ZFYVE28: variants seen among roughly 807,000 people sequenced by gnomAD.
ZFYVE28 encodes lateral signaling target protein 2 homolog.
A neutral mutation model predicts 82.1 loss-of-function variants in ZFYVE28; 40 were observed. The observed-to-expected ratio is 0.49, with a 90% CI of 0.38 to 0.63. The LOEUF (loss-of-function observed/expected upper bound fraction) is 0.63, where lower values mean the gene tolerates loss of function less well. ZFYVE28 is among the 30% of genes least tolerant of loss of function. ZFYVE28 has a pLI of 0.00. For synonymous variants in ZFYVE28, 612 were observed against 546.1 expected (o/e 1.12, Z -1.68); for missense variants, 1,321 against 1,242.1 (o/e 1.06, Z -0.96).
At chr4:2,348,647 C>T (rs1359718375) in intron 2 of ZFYVE28, among the ~76,000 whole-genome samples, 2 of 152,170 alleles carry the variant, frequency 1.3e-5, no homozygotes, top group Non-Finnish European at 2.9e-5. Context: ...TCAATGTATG[C>T]TTATGCTCTT....
At position 2,304,808 on chromosome 4, in the gene ZFYVE28, A is replaced by C; in HGVS notation, c.1532T>G (p.Met511Arg). 2 of 1,612,316 alleles carry C rather than the reference A, an allele frequency of 1.2e-6. No individual in the cohort carries two copies. Among genetic ancestry groups the C allele is most frequent in the Non-Finnish European group, 1.7e-6 (2 of 1,179,888 alleles). Residue 511 changes from methionine to arginine, a missense_variant, in exon 8 of 13, where the codon ATG (methionine) becomes AGG (arginine). This residue lies in a region of ZFYVE28 where 978 missense variants were observed against 833.7 expected (regional missense o/e 1.17). Transcript: ENST00000290974. ...AEMIAHRTGG[M>R]KLSATVIFNP... ...GAAGATGACCGTGGCTGAGAGCTTC[A>C]TGCCCCCTGTCCGGTGGGCGATCAT... is the stretch of plus-strand genomic sequence containing the variant.
At chr4:2,414,730 T>C (rs1408922388) in intron 1 of ZFYVE28, among the ~76,000 whole-genome samples, 1 of 152,196 alleles carries the variant, frequency 6.6e-6, no homozygotes, top group Non-Finnish European at 1.5e-5. Context: ...TCCAGGTAAG[T>C]GTCCAGGTCC....
chr4:2,392,870 C>T (rs138773962), intron 1 of ZFYVE28, among the ~76,000 whole-genome samples: 11 of 152,274 alleles, frequency 7.2e-5, no homozygotes, highest in East Asian at 1.9e-4. Flanking sequence ...TAATGAGAAT[C>T]GCACTTCACA....
intron 8 of ZFYVE28, among the ~76,000 whole-genome samples, chr4:2,284,769 CCCTT>C (rs1490748825): frequency 2.0e-5 from 3 of 152,194 alleles, no homozygotes; most frequent in African/African-American, 7.2e-5. Context: ...GGCTGAGACA[CCCTT>C]CCAGGAATCG....
chr4:2,354,162 G>T, intron 1 of ZFYVE28, 89 bp from the exon 2 acceptor site: 1 of 1,339,958 alleles, frequency 7.5e-7, no homozygotes, highest in Non-Finnish European at 9.8e-7. Flanking sequence ...CCATGTGTGG[G>T]CTCAGCCTGG....
rs1168567109 is a variant in ZFYVE28 at position 2,269,908 on chromosome 4, A to G, written c.*817T>C. On this transcript the variant is annotated 3_prime_UTR_variant, in exon 13 of 13. Transcript: ENST00000290974. ...CCCAGGCCACTCTGGGGTCTGAGGA[A>G]TTGGGCCAGGGTTCCAGAGGGTGCA... 6.6e-6 allele frequency: 1 copy of G among 152,142 alleles called. No individual in the cohort carries two copies. Among genetic ancestry groups the G allele is most frequent in the African/African-American group, 2.4e-5 (1 of 41,424 alleles). The allele number at this position is 152,142 out of a possible 1,614,324, so 9.4% of individuals were successfully genotyped here. A position where few individuals can be genotyped will look rare whatever the true frequency, so the allele number is the denominator to read the frequency against.
chr4:2,299,656 G>A (rs868645790), intron 8 of ZFYVE28, among the ~76,000 whole-genome samples: 1 of 248 alleles, frequency 4.0e-3, no homozygotes, highest in Non-Finnish European at 7.7e-3. Context: ...GAGGGAGGGA[G>A]GAAGGAAAGA....
chr4:2,390,266 T>G (rs141676357), intron 1 of ZFYVE28, among the ~76,000 whole-genome samples: 23 of 152,274 alleles, frequency 1.5e-4, no homozygotes, highest in African/African-American at 5.3e-4. Flanking sequence ...CCTCAGAGGT[T>G]CCAAGAGGAA....
At chr4:2,378,792 A>G (rs1208597193) in intron 1 of ZFYVE28, among the ~76,000 whole-genome samples, 1 of 152,208 alleles carries the variant, frequency 6.6e-6, no homozygotes, top group African/African-American at 2.4e-5. Flanking sequence ...TTTTTGTTTC[A>G]GACCCGATAC....
intron 6 of ZFYVE28, among the ~76,000 whole-genome samples, chr4:2,331,469 C>G (rs1720700644): frequency 6.6e-6 from 1 of 151,868 alleles, no homozygotes; most frequent in South Asian, 2.1e-4. Context: ...CAGCAAGACC[C>G]TGTCTCTATT....
rs780938412 is a variant in ZFYVE28, at chr4:2,339,546, C to T, written c.428G>A (p.Arg143His). The T allele has an allele frequency of 9.3e-6, 15 of 1,613,402 alleles. No individual in the cohort carries two copies. Among genetic ancestry groups the T allele is most frequent in the South Asian group, 3.3e-5 (3 of 90,944 alleles). ...RSLEDVRGALRDQALRDLNTY... is the reference protein window; with the variant it reads ...RSLEDVRGALHDQALRDLNTY... ...GTTCAGGTCCCGCAGCGCCTGGTCACGGAGGGCGCCCCGCACGTCCTCCAG... is the reference window on the plus strand; with the variant it reads ...GTTCAGGTCCCGCAGCGCCTGGTCATGGAGGGCGCCCCGCACGTCCTCCAG... Residue 143 changes from arginine (R) to histidine (H), a missense_variant, in exon 4 of 13, where the codon CGT becomes CAT. Transcript: ENST00000290974. The surrounding 1 kb of genome is among the most constrained non-coding windows in gnomAD (Gnocchi z 5.0).
At chr4:2,322,391 C>T (rs1034542414) in intron 6 of ZFYVE28, among the ~76,000 whole-genome samples, 2 of 152,104 alleles carry the variant, frequency 1.3e-5, no homozygotes, top group Non-Finnish European at 1.5e-5. Context: ...CCCAGGCCTG[C>T]GTCCATGCTG....
At chr4:2,327,251 AATATAT>A (rs67940269) in intron 6 of ZFYVE28, among the ~76,000 whole-genome samples, 148 of 87,068 alleles carry the variant, frequency 1.7e-3, no homozygotes, top group South Asian at 3.5e-3. Context: ...CTCCATCTCA[AATATAT>A]ATATATATAT....
chr4:2,325,717 T>G (rs1475898501), intron 6 of ZFYVE28, among the ~76,000 whole-genome samples: 3 of 151,954 alleles, frequency 2.0e-5, no homozygotes. Flanking sequence ...TCCTCTCGTC[T>G]TAGCCTCCGA....
At chr4:2,392,692 T>C (rs1327011800) in intron 1 of ZFYVE28, among the ~76,000 whole-genome samples, 1 of 152,258 alleles carries the variant, frequency 6.6e-6, no homozygotes, top group East Asian at 1.9e-4. Context: ...GAATTGTTTA[T>C]ATCCTTTCTT....
intron 1 of ZFYVE28, among the ~76,000 whole-genome samples, chr4:2,395,437 G>A (rs553481645): frequency 4.5e-4 from 68 of 152,356 alleles, no homozygotes; most frequent in African/African-American, 1.6e-3. Context: ...ATAAGCCCCA[G>A]GGGGATCCCA....
At position 2,270,584 on chromosome 4, in the gene ZFYVE28, G is replaced by T; in HGVS notation, c.*141C>A. The T allele has an allele frequency of 7.9e-7, 1 of 1,267,638 alleles. No homozygotes were observed. Among genetic ancestry groups the T allele is most frequent in the East Asian group, 2.5e-5 (1 of 40,798 alleles). The allele number at this position is 1,267,638 out of a possible 1,614,324, so 78.5% of individuals were successfully genotyped here. ...GGAGGCTAGCGTGGGCAGGACAGAG[G>T]CTCTGGATGCTCTGGAGGTCTGGGT... is the stretch of plus-strand genomic sequence containing the variant. On this transcript the variant is annotated 3_prime_UTR_variant, in exon 13 of 13. Transcript: ENST00000290974.
chr4:2,293,966 T>C (rs1169943634), intron 8 of ZFYVE28, among the ~76,000 whole-genome samples: 1 of 151,882 alleles, frequency 6.6e-6, no homozygotes, highest in Non-Finnish European at 1.5e-5. Flanking sequence ...AAGGCCTAAA[T>C]AAATAAAGAG....
At chr4:2,359,577 G>A (rs774503756) in intron 1 of ZFYVE28, among the ~76,000 whole-genome samples, 37 of 152,192 alleles carry the variant, frequency 2.4e-4, no homozygotes, top group African/African-American at 8.7e-4. Context: ...CAAAGGCGGT[G>A]TCTGCAAGCC....
Sources: gnomAD v4.1 joint callset for allele counts (sites outside exome capture counted in the v4.1 genomes callset) on GRCh38, gnomAD v4.1.1 for gene constraint, gnomAD v4.1.1 regional missense constraint, Gnocchi (gnomAD v3.1) non-coding constraint, MANE v1.5 for transcripts, NCBI Gene and HGNC (gene_info 2026-07-23, HGNC 2026-07-21) for gene names.